Variants in CAMK4 observed in about 807,000 individuals in gnomAD.
The protein encoded by CAMK4 is calcium/calmodulin dependent protein kinase IV.
CAMK4 carries 22 observed loss-of-function variants against 44.9 expected under a neutral mutation model. That is an observed-to-expected ratio of 0.49 (90% CI 0.35 to 0.70). The LOEUF is 0.70. Ranked by LOEUF, CAMK4 falls within the 30% of genes least tolerant of loss-of-function variation. The pLI is 0.01. For missense variants in CAMK4, 498 were observed against 586.8 expected (o/e 0.85, Z 1.56); for synonymous variants, 218 against 215.4 (o/e 1.01, Z -0.11).
intron 7 of CAMK4, among the ~76,000 whole-genome samples, chr5:111,453,440 A>T (rs1457334225): frequency 6.6e-6 from 1 of 152,244 alleles, no homozygotes; most frequent in African/African-American, 2.4e-5. Context: ...CTCACCACAG[A>T]TAGATACTCT....
chr5:111,344,011 T>C lies in CAMK4; in HGVS notation c.162-13T>C. ...AAGCATAACATTTTCTTTTTGTCTT[T>C]TTCCCCCTCAAGGGGTGCTACATCC... On this transcript the variant is annotated splice_polypyrimidine_tract_variant and intron_variant, in intron 1 of 10. Coordinates refer to ENST00000282356, the MANE Select transcript of CAMK4 (RefSeq NM_001744.6). The C allele has an allele frequency of 1.3e-6, 2 of 1,539,666 alleles. No individual in the cohort carries two copies. Among genetic ancestry groups the C allele is most frequent in the Non-Finnish European group, 1.8e-6 (2 of 1,121,210 alleles).
chr5:111,412,403 T>G (rs1752662504), intron 5 of CAMK4, among the ~76,000 whole-genome samples: 1 of 152,232 alleles, frequency 6.6e-6, no homozygotes, highest in Non-Finnish European at 1.5e-5. Flanking sequence ...CATCCAGATT[T>G]ACCCTGTTGT....
intron 1 of CAMK4, among the ~76,000 whole-genome samples, chr5:111,333,981 G>A (rs956335003): frequency 4.6e-5 from 7 of 151,442 alleles, no homozygotes; most frequent in Non-Finnish European, 7.4e-5. Context: ...AGGAGGACAT[G>A]AGAAGACTGA....
At chr5:111,371,797 T>C (rs1436160466) in intron 2 of CAMK4, among the ~76,000 whole-genome samples, 1 of 152,210 alleles carries the variant, frequency 6.6e-6, no homozygotes, top group Non-Finnish European at 1.5e-5. Flanking sequence ...TTTATCCCAG[T>C]TTCTATTCCA....
rs577644678 is a variant in CAMK4, at chr5:111,493,563, A to G, written c.*9097A>G. 3.9e-5 allele frequency: 6 copies of G among 152,322 alleles called. No individual in the cohort carries two copies. In the South Asian group the frequency reaches 1.2e-3, roughly 32 times the overall value. 9.4% of individuals were successfully genotyped at this position (152,322 alleles called of 1,614,324 possible). ...CTGATTGAATTCTACCTGAAAGTTT[A>G]GATTTTAAAAGACAACCTGTAGGAA... On this transcript the variant is annotated 3_prime_UTR_variant, in exon 11 of 11. Coordinates refer to ENST00000282356, the MANE Select transcript of CAMK4 (RefSeq NM_001744.6). This position sits in a 1 kb window ranked among gnomAD's most constrained non-coding sequence, Gnocchi z 4.1.
chr5:111,438,558 A>G (rs922597906), intron 5 of CAMK4, among the ~76,000 whole-genome samples: 6 of 152,204 alleles, frequency 3.9e-5, no homozygotes, highest in Non-Finnish European at 8.8e-5. Context: ...TATATAAAAA[A>G]TTTAAGATTA....
chr5:111,465,607 G>A (rs939476239), intron 7 of CAMK4, among the ~76,000 whole-genome samples: 1 of 152,150 alleles, frequency 6.6e-6, no homozygotes, highest in African/African-American at 2.4e-5. Context: ...AAACCTAGAG[G>A]AGATGCATAA....
chr5:111,374,901 C>A lies in CAMK4; in HGVS notation c.292C>A (p.His98Asn), dbSNP rs1309437270. ...GATAGGAGTTCTTCTTCGCCTCTCACATCCAAACATTGTAAGTGGTTTTTA... is the reference window on the plus strand; with the variant it reads ...GATAGGAGTTCTTCTTCGCCTCTCAAATCCAAACATTGTAAGTGGTTTTTA... ...TEIGVLLRLS[H>N]PNIIKLKEIF... Residue 98 changes from histidine to asparagine, a missense_variant, in exon 3 of 11, where the codon CAT becomes AAT. Around this residue, in one of 3 missense-constraint regions of CAMK4, gnomAD observed 152 missense variants for 143.7 expected, o/e 1.06. Coordinates refer to ENST00000282356, the MANE Select transcript of CAMK4 (RefSeq NM_001744.6). 1.9e-6 allele frequency: 3 copies of A among 1,610,166 alleles called. No individual in the cohort carries two copies. The highest frequency in any genetic ancestry group is 1.3e-5 in the African/African-American group (1 of 74,946).
intron 1 of CAMK4, among the ~76,000 whole-genome samples, chr5:111,229,715 T>C (rs752066802): frequency 3.9e-5 from 6 of 152,182 alleles, no homozygotes; most frequent in Non-Finnish European, 5.9e-5. Flanking sequence ...AAGCTCCAGC[T>C]CTTGGGGGAT....
chr5:111,482,561 G>A lies in CAMK4; in HGVS notation c.829-224G>A. 1 of 343,116 alleles carries A rather than the reference G, an allele frequency of 2.9e-6. No homozygotes were observed. The highest frequency in any genetic ancestry group is 5.2e-6 in the Non-Finnish European group (1 of 191,884). The allele number at this position is 343,116 out of a possible 1,614,324, so 21.3% of individuals were successfully genotyped here. A position where few individuals can be genotyped will look rare whatever the true frequency, so the allele number is the denominator to read the frequency against. On this transcript the variant is annotated intron_variant, in intron 9 of 10. Coordinates refer to ENST00000282356, the MANE Select transcript of CAMK4 (RefSeq NM_001744.6). The surrounding 1 kb of genome is among the most constrained non-coding windows in gnomAD (Gnocchi z 4.9). ...GTTGGAAAGCCGTCTGCCACTTTGG[G>A]GGTCTCAGGTGGTACATGGCCCTGT...
In CAMK4 at chr5:111,328,527, GT is replaced by G. The variant is rs1198993139; in HGVS notation, c.162-15491del. On this transcript the variant is annotated intron_variant, in intron 1 of 10. Coordinates refer to ENST00000282356, the MANE Select transcript of CAMK4 (RefSeq NM_001744.6). ...TTGGTTCCATATGAACTTTCAAGTA[GT>G]TTTTTCCGAATCTGTGAAGAAAGTC... is the stretch of plus-strand genomic sequence containing the variant. Among the ~76,000 whole-genome samples the G allele has an allele frequency of 2.6e-5, 4 of 152,058 alleles. No individual in the cohort carries two copies. In the East Asian group the frequency reaches 7.7e-4, roughly 29 times the overall value.
intron 1 of CAMK4, chr5:111,302,259 G>A (rs1405862118): frequency 6.5e-6 from 1 of 154,664 alleles, no homozygotes; most frequent in African/African-American, 2.4e-5. Flanking sequence ...GGCCGAATAG[G>A]AACAGCTCCG....
At chr5:111,329,318 A>G (rs1204995981) in intron 1 of CAMK4, among the ~76,000 whole-genome samples, 1 of 151,892 alleles carries the variant, frequency 6.6e-6, no homozygotes, top group East Asian at 1.9e-4. Flanking sequence ...AAATGGGCAC[A>G]AGACAGGGAT....
intron 5 of CAMK4, among the ~76,000 whole-genome samples, chr5:111,411,799 A>G (rs1752641886): frequency 6.6e-6 from 1 of 152,262 alleles, no homozygotes; most frequent in African/African-American, 2.4e-5. Flanking sequence ...AATAAAAAAT[A>G]TGAACTTTTC....
chr5:111,428,472 T>TA (rs1753311593), intron 5 of CAMK4, among the ~76,000 whole-genome samples: 1 of 151,886 alleles, frequency 6.6e-6, no homozygotes, highest in African/African-American at 2.4e-5. Context: ...TGAGGAAACT[T>TA]AAAGAAATTC....
intron 2 of CAMK4, among the ~76,000 whole-genome samples, chr5:111,362,447 TAAC>T (rs994395899): frequency 6.2e-5 from 4 of 64,378 alleles, no homozygotes; most frequent in Admixed American, 3.2e-4. Flanking sequence ...GTGTAAAAGA[TAAC>T]AAAATTTCAA....
chr5:111,445,027 T>C lies in CAMK4; in HGVS notation c.460-1659T>C, dbSNP rs189362984. ...AAATTGATGGAGGCTTTTAGGAAAG[T>C]GATTTTGAAGTGTGTATTAAAATAA... is the stretch of plus-strand genomic sequence containing the variant. On this transcript the variant is annotated intron_variant, in intron 5 of 10. Coordinates refer to ENST00000282356, the MANE Select transcript of CAMK4 (RefSeq NM_001744.6). Among the ~76,000 whole-genome samples the C allele has an allele frequency of 2.4e-3, 363 of 152,356 alleles. 1 individual carries two copies. The highest frequency in any genetic ancestry group is 3.0e-3 in the Non-Finnish European group (205 of 68,030).
chr5:111,251,163 A>G (rs1286745004), intron 1 of CAMK4, among the ~76,000 whole-genome samples: 1 of 152,182 alleles, frequency 6.6e-6, no homozygotes, highest in African/African-American at 2.4e-5. Context: ...TTGCACTTTC[A>G]TGAAGTGATT....
At chr5:111,240,379 A>G (rs911427625) in intron 1 of CAMK4, among the ~76,000 whole-genome samples, 5 of 152,152 alleles carry the variant, frequency 3.3e-5, no homozygotes, top group Non-Finnish European at 7.4e-5. Context: ...CTGATAAAAC[A>G]ATACATCACA....
Sources: allele counts gnomAD v4.1 joint callset (sites outside exome capture counted in the v4.1 genomes callset), GRCh38; gene constraint gnomAD v4.1.1; regional missense constraint gnomAD v4.1.1; non-coding constraint Gnocchi (gnomAD v3.1); transcripts MANE v1.5; gene names NCBI Gene and HGNC (gene_info 2026-07-23, HGNC 2026-07-21).